PTPN13: variants seen among roughly 807,000 people sequenced by gnomAD.
PTPN13 encodes protein tyrosine phosphatase non-receptor type 13.
Under a neutral mutation model 284.0 loss-of-function variants are expected in PTPN13, and 191 were observed. The observed-to-expected ratio is 0.67, with a 90% CI of 0.60 to 0.76. PTPN13 has a LOEUF of 0.76. Ranked by LOEUF, PTPN13 falls within the 30% of genes least tolerant of loss-of-function variation. The pLI, the probability that PTPN13 is intolerant of heterozygous loss-of-function variation, is 0.00. For synonymous variants in PTPN13, 986 were observed against 1,022.3 expected, an observed-to-expected ratio of 0.96 and a Z score of 0.68; for missense variants, 2,797 against 2,939.9, an observed-to-expected ratio of 0.95 and a Z score of 1.12.
intron 3 of PTPN13, among the ~76,000 whole-genome samples, chr4:86,676,014 A>T (rs1023140510): frequency 6.6e-6 from 1 of 152,244 alleles, no homozygotes; most frequent in Non-Finnish European, 1.5e-5. Flanking sequence ...ATCAAGGATC[A>T]TCTTTAGAAA....
chr4:86,760,095 G>A (rs547871980), intron 23 of PTPN13, among the ~76,000 whole-genome samples: 2 of 152,086 alleles, frequency 1.3e-5, no homozygotes, highest in Non-Finnish European at 2.9e-5. Flanking sequence ...GTCATTTTGA[G>A]TATGATTTCT....
At chr4:86,794,119 G>C (rs1408235792) in intron 40 of PTPN13, among the ~76,000 whole-genome samples, 3 of 152,076 alleles carry the variant, frequency 2.0e-5, no homozygotes, top group East Asian at 1.9e-4. Flanking sequence ...AATTGTCTCT[G>C]TTTGCAGATG....
rs750337325 is a variant in PTPN13, at chr4:86,745,061, C to T, written c.2583C>T (p.Cys861=). ...TATGCCAGTACCTGCTGCACCTCTG[C>T]TCTTACCAGCATAAGTTCCAGCTAC... is the stretch of plus-strand genomic sequence containing the variant. ...SKICQYLLHL[C]SYQHKFQLQM... is the part of the protein sequence containing the mutation. The change falls in exon 17 of 48, where the codon TGC becomes TGT. Residue 861 remains cysteine, a synonymous_variant. Coordinates refer to ENST00000411767, the MANE Select transcript of PTPN13 (RefSeq NM_080683.3). The T allele has an allele frequency of 1.9e-6, 3 of 1,612,174 alleles. No homozygotes were observed. The highest frequency in any genetic ancestry group is 1.1e-5 in the South Asian group (1 of 90,448).
Position 86,659,661 on chromosome 4 carries a change from C to A in PTPN13, c.116-12704C>A, listed in dbSNP as rs1227179711. On this transcript the variant is annotated intron_variant, in intron 2 of 47. Coordinates refer to ENST00000411767, the MANE Select transcript of PTPN13 (RefSeq NM_080683.3). ...TGAAACCCCGTCTCTACTAAAAATA[C>A]AAAAATTAGCTGGGCATGGTGGTGC... Among the ~76,000 whole-genome samples the A allele has an allele frequency of 3.3e-5, 5 of 151,764 alleles. No homozygotes were observed. In the South Asian group the frequency reaches 8.3e-4, roughly 25 times the overall value.
chr4:86,758,426 T>C (rs1738256946), intron 21 of PTPN13, 77 bp downstream of exon 21: 3 of 1,218,744 alleles, frequency 2.5e-6, no homozygotes, highest in Non-Finnish European at 3.5e-6. Flanking sequence ...AGCATTGGCA[T>C]TGCAGTGCCA....
chr4:86,791,137 A>G (rs1742605729), intron 40 of PTPN13, among the ~76,000 whole-genome samples: 1 of 152,158 alleles, frequency 6.6e-6, no homozygotes, highest in South Asian at 2.1e-4. Context: ...TATACCCCTG[A>G]CCAAACACTG....
rs752121896 is a variant in PTPN13, at chr4:86,735,657, G to T, written c.2215G>T (p.Asp739Tyr). Residue 739 changes from aspartate to tyrosine, a missense_variant, in exon 15 of 48, where the codon GAT (aspartate) becomes TAT (tyrosine). Coordinates refer to ENST00000411767, the MANE Select transcript of PTPN13 (RefSeq NM_080683.3). ...GCCCGCCAGAGTGATGGAGAAACTT[G>T]ATTTATCCTATATCAAAGAAGAGTT... ...YLPARVMEKL[D>Y]LSYIKEELPK... The T allele has an allele frequency of 5.6e-6, 9 of 1,613,434 alleles. No individual in the cohort carries two copies. Among genetic ancestry groups the T allele is most frequent in the African/African-American group, 1.3e-5 (1 of 75,040 alleles).
At chr4:86,676,337 A>G (rs1251655222) in intron 3 of PTPN13, among the ~76,000 whole-genome samples, 2 of 152,256 alleles carry the variant, frequency 1.3e-5, no homozygotes, top group African/African-American at 4.8e-5. Flanking sequence ...TACAATGGCT[A>G]CTATCAAAAG....
intron 16 of PTPN13, among the ~76,000 whole-genome samples, 181 bp downstream of exon 16, chr4:86,741,997 T>G (rs1045812071): frequency 6.6e-6 from 1 of 152,194 alleles, no homozygotes; most frequent in African/African-American, 2.4e-5. Context: ...TGTCTGGTTT[T>G]TTCAACAGGT....
At position 86,767,950 on chromosome 4, in the gene PTPN13, T is replaced by C. The variant is rs769223521; in HGVS notation, c.4463T>C (p.Val1488Ala). 2.5e-6 allele frequency: 4 copies of C among 1,611,766 alleles called. No individual in the cohort carries two copies. The highest frequency in any genetic ancestry group is 3.4e-6 in the Non-Finnish European group (4 of 1,179,004). Residue 1488 changes from valine to alanine, a missense_variant, in exon 28 of 48, where the codon GTC becomes GCC. Val to Ala is a moderately conservative substitution (Grantham distance 64, BLOSUM62 0). Coordinates refer to ENST00000411767, the MANE Select transcript of PTPN13 (RefSeq NM_080683.3). Reference sequence around the variant, plus strand: ...GAAAAAGTGAAGAAAACAACTCAGGTCAAAGACTACAGCTTTGTCACTGAA... The same window carrying C: ...GAAAAAGTGAAGAAAACAACTCAGGCCAAAGACTACAGCTTTGTCACTGAA... ...GPEKVKKTTQ[V>A]KDYSFVTEEN...
chr4:86,685,832 C>T (rs1729391209), intron 3 of PTPN13, among the ~76,000 whole-genome samples: 1 of 152,140 alleles, frequency 6.6e-6, no homozygotes, highest in Non-Finnish European at 1.5e-5. Flanking sequence ...ATAAAAACTG[C>T]AGATGATTTA....
intron 41 of PTPN13, among the ~76,000 whole-genome samples, chr4:86,798,294 T>C (rs1227357864): frequency 6.6e-6 from 1 of 152,166 alleles, no homozygotes; most frequent in Non-Finnish European, 1.5e-5. Context: ...GTAGAGCTTT[T>C]TAACCCAGCA....
chr4:86,618,762 T>C (rs968631032), intron 1 of PTPN13, among the ~76,000 whole-genome samples: 2 of 152,242 alleles, frequency 1.3e-5, no homozygotes, highest in African/African-American at 4.8e-5. Context: ...ACTTGTGATT[T>C]TTGTACATTG....
Position 86,617,853 on chromosome 4 carries a change from A to C in PTPN13, c.-5-17399A>C, listed in dbSNP as rs1015289033. Among the ~76,000 whole-genome samples, 5 of 151,942 alleles carry C rather than the reference A, an allele frequency of 3.3e-5. No homozygotes were observed. In the South Asian group the frequency reaches 6.2e-4, roughly 19 times the overall value. On this transcript the variant is annotated intron_variant, in intron 1 of 47. Coordinates refer to ENST00000411767, the MANE Select transcript of PTPN13 (RefSeq NM_080683.3). ...CTTTGTCAGATGAGTAGATTGCAAAAATTTTCTCCCATTCTGTAGGTTGCC... is the reference window on the plus strand; with the variant it reads ...CTTTGTCAGATGAGTAGATTGCAAACATTTTCTCCCATTCTGTAGGTTGCC...
chr4:86,610,703 T>C (rs1301769031), intron 1 of PTPN13, among the ~76,000 whole-genome samples: 2 of 152,214 alleles, frequency 1.3e-5, no homozygotes, highest in East Asian at 1.9e-4. Context: ...TTTACACTTT[T>C]GCAAATGTGG....
intron 42 of PTPN13, among the ~76,000 whole-genome samples, chr4:86,800,241 G>A (rs1407445815): frequency 6.6e-6 from 1 of 152,024 alleles, no homozygotes; most frequent in Admixed American, 6.6e-5. Context: ...CTGAGCCAAT[G>A]GAGAAATGAA....
chr4:86,811,206 T>C (rs1745185889), intron 47 of PTPN13, 98 bp downstream of exon 47: 8 of 1,190,590 alleles, frequency 6.7e-6, no homozygotes, highest in Non-Finnish European at 6.9e-6. Flanking sequence ...AGAGTTCCCA[T>C]GTTAGAGCAT....
Position 86,769,969 on chromosome 4 carries a change from G to A in PTPN13, c.4690G>A (p.Gly1564Arg), listed in dbSNP as rs1166126787. Residue 1564 changes from glycine (G) to arginine (R), a missense_variant, in exon 29 of 48, where the codon GGA becomes AGA. Physicochemically the swap from Gly to Arg is moderately radical, Grantham distance 125. Transcript: ENST00000411767. ...GAAAGTGAATGGAGCCTCTTTGAAA[G>A]GACTATCTCAGCAGGTGAGCCCCTA... ...ILKVNGASLK[G>R]LSQQEVISAL... The A allele has an allele frequency of 6.2e-7, 1 of 1,613,772 alleles. No individual in the cohort carries two copies. The highest frequency in any genetic ancestry group is 8.5e-7 in the Non-Finnish European group (1 of 1,179,856).
intron 23 of PTPN13, among the ~76,000 whole-genome samples, chr4:86,761,301 TATGTTA>T (rs896986991): frequency 6.6e-6 from 1 of 151,820 alleles, no homozygotes; most frequent in African/African-American, 2.4e-5. Context: ...ACATTATATT[TATGTTA>T]TAGACATATC....
Sources: allele counts gnomAD v4.1 joint callset (sites outside exome capture counted in the v4.1 genomes callset), GRCh38; gene constraint gnomAD v4.1.1; transcripts MANE v1.5; gene names NCBI Gene and HGNC (gene_info 2026-07-23, HGNC 2026-07-21).